STON2: variants seen among roughly 807,000 people sequenced by gnomAD.
STON2 encodes the protein stonin 2.
In STON2, 29 loss-of-function variants were observed where a neutral mutation model predicts 65.7. The observed-to-expected ratio is 0.44, with a 90% CI of 0.33 to 0.60. STON2 has a LOEUF of 0.60. Among genes scored for constraint, STON2 ranks in the 20% least tolerant of loss-of-function variants. STON2 has a pLI of 0.03. For synonymous variants in STON2, 404 were observed against 414.2 expected (o/e 0.98, Z 0.30); for missense variants, 1,054 against 1,118.1 (o/e 0.94, Z 0.82).
chr14:81,394,239 T>A (rs1399579610), intron 3 of STON2, among the ~76,000 whole-genome samples: 2 of 151,980 alleles, frequency 1.3e-5, no homozygotes, highest in Non-Finnish European at 2.9e-5. Context: ...AAAATAGACA[T>A]AAATGTGCAA....
intron 2 of STON2, among the ~76,000 whole-genome samples, chr14:81,417,081 T>A (rs1901474247): frequency 6.6e-6 from 1 of 152,184 alleles, no homozygotes; most frequent in African/African-American, 2.4e-5. Flanking sequence ...TCCTTGTGGG[T>A]TGAACTGCCA....
intron 4 of STON2, chr14:81,332,960 C>T (rs112601506): frequency 4.3e-6 from 2 of 460,260 alleles, no homozygotes; most frequent in Non-Finnish European, 4.0e-6. Context: ...TGCTAGACAC[C>T]TCATTTCTTT....
At chr14:81,373,231 T>C (rs968174485) in intron 3 of STON2, among the ~76,000 whole-genome samples, 1 of 152,114 alleles carries the variant, frequency 6.6e-6, no homozygotes, top group South Asian at 2.1e-4. Flanking sequence ...GTTGGTTATA[T>C]CAACAGAAGC....
chr14:81,417,881 T>C (rs3900587), intron 2 of STON2, among the ~76,000 whole-genome samples: 1,941 of 151,830 alleles, frequency 0.013, 25 homozygotes, highest in South Asian at 0.043. Flanking sequence ...GAGAGAGAGA[T>C]AGAAAAACCA....
At chr14:81,298,821 T>C (rs566722288) in intron 5 of STON2, among the ~76,000 whole-genome samples, 1 of 152,322 alleles carries the variant, frequency 6.6e-6, no homozygotes, top group African/African-American at 2.4e-5. Flanking sequence ...CAAGGTGAGT[T>C]GGATATAATT....
intron 4 of STON2, among the ~76,000 whole-genome samples, chr14:81,332,519 A>C (rs1366981700): frequency 6.6e-6 from 1 of 152,192 alleles, no homozygotes; most frequent in African/African-American, 2.4e-5. Flanking sequence ...TCAGATATTA[A>C]AAATATCTTA....
chr14:81,320,655 A>C (rs1158939504), intron 5 of STON2, among the ~76,000 whole-genome samples: 1 of 151,744 alleles, frequency 6.6e-6, no homozygotes, highest in Non-Finnish European at 1.5e-5. Context: ...CTAAAGCGAA[A>C]GCAATCTATT....
chr14:81,410,277 C>CAAAAA (rs1901085052), intron 2 of STON2, among the ~76,000 whole-genome samples: 1 of 38,944 alleles, frequency 2.6e-5, no homozygotes, highest in Non-Finnish European at 5.2e-5. Flanking sequence ...GTAACTCTAA[C>CAAAAA]CAAAAAAAAA....
chr14:81,356,156 G>C (rs1898220742), intron 4 of STON2, among the ~76,000 whole-genome samples: 1 of 152,152 alleles, frequency 6.6e-6, no homozygotes, highest in African/African-American at 2.4e-5. Context: ...GTCATAGATA[G>C]CTCTTATTAT....
intron 4 of STON2, among the ~76,000 whole-genome samples, chr14:81,357,813 T>C (rs1449874101): frequency 7.5e-5 from 11 of 146,866 alleles, no homozygotes; most frequent in Admixed American, 2.1e-4. Flanking sequence ...CCGCATATTC[T>C]CACTTATAGG....
In STON2 at chr14:81,289,149, G is replaced by C. The variant is rs546196461; in HGVS notation, c.743-10410C>G. 2.0e-5 allele frequency among the ~76,000 whole-genome samples: 3 copies of C among 152,284 alleles called. No homozygotes were observed. In the East Asian group the frequency reaches 5.8e-4, roughly 29 times the overall value. ...GGGGTCAGGAACAATTAGGTTCCTG[G>C]ATGTTAGTGAAGGGCTAGGCTGTAT... is the stretch of plus-strand genomic sequence containing the variant. On this transcript the variant is annotated intron_variant, in intron 5 of 7. Coordinates refer to ENST00000614646, the MANE Select transcript of STON2 (RefSeq NM_001394390.1).
At chr14:81,378,824 A>G (rs1195689612) in intron 3 of STON2, among the ~76,000 whole-genome samples, 1 of 152,260 alleles carries the variant, frequency 6.6e-6, no homozygotes. Context: ...ACATATTAAA[A>G]GAGAAAAATC....
At chr14:81,367,952 G>A (rs1410644339) in intron 4 of STON2, among the ~76,000 whole-genome samples, 1 of 152,158 alleles carries the variant, frequency 6.6e-6, no homozygotes, top group African/African-American at 2.4e-5. Context: ...TTTGTTTATA[G>A]AACATAATAC....
chr14:81,269,793 T>C, intron 7 of STON2: 3 of 985,444 alleles, frequency 3.0e-6, no homozygotes, highest in Non-Finnish European at 3.6e-6. Flanking sequence ...CTATTGAATT[T>C]CTAACTCCCC....
At chr14:81,276,833 G>A (rs1295548765) in intron 6 of STON2, 68 bp downstream of exon 6, 1 of 1,533,558 alleles carries the variant, frequency 6.5e-7, no homozygotes, top group Non-Finnish European at 8.8e-7. Context: ...CATACAGGAT[G>A]TGGAACTTTG....
chr14:81,290,746 G>A (rs575522218), intron 5 of STON2, among the ~76,000 whole-genome samples: 16 of 152,276 alleles, frequency 1.1e-4, no homozygotes, highest in African/African-American at 3.8e-4. Context: ...AATAGCTCAT[G>A]TATGCAGTAG....
rs1896924081 is a variant in STON2, at chr14:81,324,151, G to C, written c.608C>G (p.Ala203Gly). Among the ~76,000 whole-genome samples the C allele has an allele frequency of 6.6e-6, 1 of 152,140 alleles. No homozygotes were observed. The highest frequency in any genetic ancestry group is 1.5e-5 in the Non-Finnish European group (1 of 68,018). ...CGAGCATGCTTGAACAGGACTCACT[G>C]CCGTCTGCCTGCCTGTCTGCCACTC... ...RTEWQTGRQT[A>G]VSPVQACSEH... The change falls in exon 5 of 8, where the codon GCA (alanine) becomes GGA (glycine). Residue 203 changes from alanine (A) to glycine (G), a missense_variant. Coordinates refer to ENST00000614646, the MANE Select transcript of STON2 (RefSeq NM_001394390.1).
chr14:81,302,708 C>T (rs1480186726), intron 5 of STON2, among the ~76,000 whole-genome samples: 9 of 152,202 alleles, frequency 5.9e-5, no homozygotes, highest in African/African-American at 2.2e-4. Flanking sequence ...AGGAATACAG[C>T]ATGTCAAGAG....
intron 3 of STON2, 39 bp from the exon 4 acceptor site, chr14:81,371,224 T>C: frequency 1.3e-6 from 2 of 1,570,420 alleles, no homozygotes; most frequent in East Asian, 2.2e-5. Flanking sequence ...ACAATATAAA[T>C]AGTTGTACTT....
Sources: allele counts gnomAD v4.1 joint callset (sites outside exome capture counted in the v4.1 genomes callset), GRCh38; gene constraint gnomAD v4.1.1; transcripts MANE v1.5; gene names NCBI Gene and HGNC (gene_info 2026-07-23, HGNC 2026-07-21).